Variants in PCDH9 observed in about 807,000 individuals in gnomAD.
PCDH9 encodes the protein protocadherin 9.
A neutral mutation model predicts 70.6 loss-of-function variants in PCDH9; 24 were observed. The observed-to-expected ratio is 0.34, with a 90% CI of 0.25 to 0.48. PCDH9 has a LOEUF of 0.48. Ranked by LOEUF, PCDH9 falls within the 20% of genes least tolerant of loss-of-function variation. The pLI is 0.99. For synonymous variants in PCDH9, 562 were observed against 558.5 expected, an observed-to-expected ratio of 1.01 and a Z score of -0.09; for missense variants, 1,281 against 1,503.6, an observed-to-expected ratio of 0.85 and a Z score of 2.45.
At chr13:66,606,115 T>G (rs1296081513) in intron 4 of PCDH9, among the ~76,000 whole-genome samples, 1 of 149,606 alleles carries the variant, frequency 6.7e-6, no homozygotes, top group South Asian at 2.1e-4. Context: ...AAGGCTCTCA[T>G]CTACTCACTT....
chr13:66,976,543 C>T lies in PCDH9; in HGVS notation c.3037-72938G>A, dbSNP rs533571440. ...AAACTGTAGATCACCCTCCATAAGA[C>T]ACATGTCTTATTACCATACATACAA... On this transcript the variant is annotated intron_variant, in intron 2 of 4. Transcript: ENST00000377865. 1.2e-3 allele frequency among the ~76,000 whole-genome samples: 188 copies of T among 152,178 alleles called. 1 individual carries two copies. The highest frequency in any genetic ancestry group is 5.8e-3 in the South Asian group (28 of 4,830).
intron 3 of PCDH9, among the ~76,000 whole-genome samples, chr13:66,673,748 G>A (rs981590379): frequency 9.2e-5 from 14 of 152,072 alleles, no homozygotes; most frequent in African/African-American, 2.2e-4. Context: ...CACACCATTT[G>A]TTCTCAATTT....
At chr13:66,708,847 G>A (rs1040982365) in intron 3 of PCDH9, among the ~76,000 whole-genome samples, 1 of 151,782 alleles carries the variant, frequency 6.6e-6, no homozygotes, top group Non-Finnish European at 1.5e-5. Flanking sequence ...ACATTCAGCT[G>A]CTTATTTTGA....
At chr13:66,416,206 CT>C (rs1186013616) in intron 4 of PCDH9, among the ~76,000 whole-genome samples, 1 of 151,882 alleles carries the variant, frequency 6.6e-6, no homozygotes, top group Non-Finnish European at 1.5e-5. Flanking sequence ...CTGAAACCAT[CT>C]TCTCCTTCAA....
intron 2 of PCDH9, among the ~76,000 whole-genome samples, chr13:66,908,535 T>A (rs968481670): frequency 1.3e-5 from 2 of 152,192 alleles, no homozygotes; most frequent in African/African-American, 4.8e-5. Context: ...AAAAGATCTC[T>A]TAGAACACCC....
At chr13:66,352,180 A>T (rs1462007624) in intron 4 of PCDH9, among the ~76,000 whole-genome samples, 1 of 152,146 alleles carries the variant, frequency 6.6e-6, no homozygotes, top group Non-Finnish European at 1.5e-5. Context: ...CAAAACTATC[A>T]TCAGTGTTAC....
chr13:67,182,894 A>G (rs749924814), intron 2 of PCDH9, among the ~76,000 whole-genome samples: 75 of 152,096 alleles, frequency 4.9e-4, no homozygotes, highest in Non-Finnish European at 9.4e-4. Context: ...TGGAAGGATC[A>G]ATGTAGGAAG....
intron 3 of PCDH9, among the ~76,000 whole-genome samples, chr13:66,766,805 A>C (rs1458343083): frequency 1.3e-5 from 2 of 152,028 alleles, no homozygotes; most frequent in African/African-American, 4.8e-5. Context: ...ATAAAACAGC[A>C]AGCTCAAGTA....
chr13:66,761,175 A>C (rs1000740693), intron 3 of PCDH9, among the ~76,000 whole-genome samples: 1 of 4,890 alleles, frequency 2.0e-4, no homozygotes, highest in Non-Finnish European at 6.7e-3. Context: ...GCTAATAAAA[A>C]CTTGCTGGTT....
intron 4 of PCDH9, among the ~76,000 whole-genome samples, chr13:66,533,272 A>C (rs1368695733): frequency 6.6e-6 from 1 of 152,132 alleles, no homozygotes; most frequent in African/African-American, 2.4e-5. Flanking sequence ...CCATTCATAC[A>C]TTGTACTAAT....
intron 3 of PCDH9, among the ~76,000 whole-genome samples, chr13:66,782,478 C>G (rs1415174222): frequency 6.6e-6 from 1 of 151,840 alleles, no homozygotes; most frequent in Non-Finnish European, 1.5e-5. Context: ...TGAAATCTGA[C>G]TAGTCTAAAC....
intron 3 of PCDH9, among the ~76,000 whole-genome samples, chr13:66,674,597 C>T (rs2078218639): frequency 6.6e-6 from 1 of 151,952 alleles, no homozygotes; most frequent in Non-Finnish European, 1.5e-5. Context: ...GAAATAAGAA[C>T]TTTTCACTAA....
chr13:66,473,383 GTTT>G (rs139088285), intron 4 of PCDH9, among the ~76,000 whole-genome samples: 24 of 150,580 alleles, frequency 1.6e-4, no homozygotes, highest in Non-Finnish European at 2.8e-4. Context: ...AAAGCTATAT[GTTT>G]TTTTTTCATT....
rs571883815 is a variant in PCDH9 at position 66,536,442 on chromosome 13, G to A, written c.3340+94768C>T. 7.2e-5 allele frequency among the ~76,000 whole-genome samples: 11 copies of A among 152,048 alleles called. No homozygotes were observed. In the South Asian group the frequency reaches 1.9e-3, roughly 26 times the overall value. On this transcript the variant is annotated intron_variant, in intron 4 of 4. Transcript: ENST00000377865. The stretch of plus-strand genomic sequence containing the variant: ...TTTTTTGCACTTTTAGAAAATTTTT[G>A]TTGTGTTCTTATTTTATATCTTCTA...
chr13:66,406,442 A>G (rs903381271), intron 4 of PCDH9, among the ~76,000 whole-genome samples: 52 of 152,106 alleles, frequency 3.4e-4, no homozygotes, highest in Non-Finnish European at 2.9e-5. Context: ...ATCAAGCATT[A>G]CTGACAACTA....
At chr13:66,951,736 C>G (rs2083184649) in intron 2 of PCDH9, among the ~76,000 whole-genome samples, 2 of 152,052 alleles carry the variant, frequency 1.3e-5, no homozygotes, top group African/African-American at 4.8e-5. Context: ...ATTTTCCTTA[C>G]TGAATTTTTT....
At chr13:66,777,036 T>A (rs1594046116) in intron 3 of PCDH9, among the ~76,000 whole-genome samples, 1 of 151,470 alleles carries the variant, frequency 6.6e-6, no homozygotes, top group Non-Finnish European at 1.5e-5. Context: ...GGGAAAGGAT[T>A]CCCCATTTAA....
intron 2 of PCDH9, among the ~76,000 whole-genome samples, chr13:66,932,681 T>TATATATACAC (rs1313632174): frequency 1.3e-3 from 155 of 114,838 alleles, no homozygotes; most frequent in African/African-American, 5.0e-3. Context: ...TATATATATA[T>TATATATACAC]ACACACACAC....
chr13:66,379,656 G>A (rs1956808981), intron 4 of PCDH9, among the ~76,000 whole-genome samples: 1 of 152,084 alleles, frequency 6.6e-6, no homozygotes. Context: ...TATCTATAGT[G>A]CTGTATTACC....
Sources: allele counts gnomAD v4.1 joint callset (sites outside exome capture counted in the v4.1 genomes callset), GRCh38; gene constraint gnomAD v4.1.1; transcripts MANE v1.5; gene names NCBI Gene and HGNC (gene_info 2026-07-23, HGNC 2026-07-21).